The following ITGB3 variants were observed in gnomAD, a reference collection of about 807,000 sequenced individuals.
ITGB3 encodes the protein integrin beta-3.
ITGB3 carries 48 observed loss-of-function variants against 85.8 expected under a neutral mutation model. That is an observed-to-expected ratio of 0.56 (90% CI 0.44 to 0.71). The LOEUF is 0.71. Ranked by LOEUF, ITGB3 falls within the 30% of genes least tolerant of loss-of-function variation. The pLI is 0.00. For missense variants in ITGB3, 861 were observed against 1,019.1 expected (o/e 0.84, Z 2.11); for synonymous variants, 363 against 395.6 (o/e 0.92, Z 0.98).
intron 6 of ITGB3, among the ~76,000 whole-genome samples, chr17:47,289,256 G>A (rs2065115942): frequency 6.6e-6 from 1 of 152,158 alleles, no homozygotes. Context: ...CCACTGGCCT[G>A]TACCTCTTCG....
chr17:47,294,737 C>T (rs1035265980), intron 10 of ITGB3, among the ~76,000 whole-genome samples: 9 of 152,210 alleles, frequency 5.9e-5, no homozygotes, highest in East Asian at 1.9e-4. Flanking sequence ...TATGAGTGAA[C>T]AAGGGGTCAT....
Position 47,307,610 on chromosome 17 carries a change from A to C in ITGB3, c.2274A>C (p.Glu758Asp). The change falls in exon 14 of 15, where the codon GAA (glutamate) becomes GAC (aspartate). Residue 758 changes from glutamate to aspartate, a missense_variant. Physicochemically the swap from Glu to Asp is conservative, Grantham distance 45 (BLOSUM62 2). Transcript: ENST00000559488. The stretch of plus-strand genomic sequence containing the variant: ...GAAAAGAATTCGCTAAATTTGAGGA[A>C]GAACGCGCCAGAGCAAAATGGGACA... ...HDRKEFAKFE[E>D]ERARAKWDTA... 2 of 1,614,238 alleles carry C rather than the reference A, an allele frequency of 1.2e-6. No homozygotes were observed. Among genetic ancestry groups the C allele is most frequent in the Non-Finnish European group, 8.5e-7 (1 of 1,180,040 alleles).
At chr17:47,291,630 C>T (rs1453946812) in intron 9 of ITGB3, 1 of 283,990 alleles carries the variant, frequency 3.5e-6, no homozygotes, top group East Asian at 9.4e-5. Context: ...CTATCTGTCT[C>T]TCAGGCACTT....
intron 2 of ITGB3, among the ~76,000 whole-genome samples, chr17:47,282,773 G>A (rs1031768438): frequency 2.0e-5 from 3 of 152,170 alleles, no homozygotes; most frequent in African/African-American, 7.2e-5. Context: ...GAAACACACT[G>A]TACTGGGTAT....
intron 1 of ITGB3, among the ~76,000 whole-genome samples, chr17:47,258,065 C>T (rs527755554): frequency 2.6e-5 from 4 of 152,290 alleles, no homozygotes; most frequent in East Asian, 1.9e-4. Flanking sequence ...AGGAAGCATG[C>T]CCACAGGAAC....
chr17:47,287,067 C>A lies in ITGB3; in HGVS notation c.778-3C>A, dbSNP rs1217665887. The A allele has an allele frequency of 3.1e-6, 5 of 1,613,624 alleles. No homozygotes were observed. Among genetic ancestry groups the A allele is most frequent in the Non-Finnish European group, 4.2e-6 (5 of 1,179,902 alleles). On this transcript the variant is annotated splice_polypyrimidine_tract_variant and splice_region_variant and intron_variant, in intron 5 of 14. Transcript: ENST00000559488. ...GCCTTTGTTTTTTGTTTTCTTTTAACAGGAAAAGATTGGCTGGAGGAATGA... is the reference window on the plus strand; with the variant it reads ...GCCTTTGTTTTTTGTTTTCTTTTAAAAGGAAAAGATTGGCTGGAGGAATGA...
chr17:47,294,412 C>T (rs545279931), intron 10 of ITGB3, among the ~76,000 whole-genome samples: 7 of 152,308 alleles, frequency 4.6e-5, no homozygotes, highest in Non-Finnish European at 5.9e-5. Context: ...TGAGGCACTG[C>T]GGCAGGATCC....
chr17:47,312,622 C>G lies in ITGB3; in HGVS notation c.*2418C>G, dbSNP rs868210216. Among the ~76,000 whole-genome samples the G allele has an allele frequency of 6.6e-6, 1 of 152,226 alleles. No homozygotes were observed. Among genetic ancestry groups the G allele is most frequent in the Middle Eastern group, 3.4e-3 (1 of 294 alleles). ...GATGTTTTATATGAAGAAACTGTAT[C>G]AAAGGGGGAAGAAAATGTATTTAAC... is the stretch of plus-strand genomic sequence containing the variant. On this transcript the variant is annotated 3_prime_UTR_variant, in exon 15 of 15. Transcript: ENST00000559488.
intron 2 of ITGB3, among the ~76,000 whole-genome samples, chr17:47,277,177 G>T (rs16941801): frequency 6.6e-6 from 1 of 152,028 alleles, no homozygotes; most frequent in South Asian, 2.1e-4. Context: ...GCAAAGAGGC[G>T]GGCTTTATAC....
chr17:47,307,520 G>A lies in ITGB3; in HGVS notation c.2184G>A (p.Gly728=), dbSNP rs376459842. Residue 728 remains glycine, a synonymous_variant, in exon 14 of 15, where the codon GGG becomes GGA. Transcript: ENST00000559488. ...DILVVLLSVM[G]AILLIGLAAL... ...TGGTGGTCCTGCTCTCAGTGATGGG[G>A]GCCATTCTGCTCATTGGCCTTGCCG... 7.7e-5 allele frequency: 125 copies of A among 1,614,000 alleles called. No homozygotes were observed. The highest frequency in any genetic ancestry group is 4.9e-4 in the Middle Eastern group (3 of 6,074).
At position 47,283,363 on chromosome 17, in the gene ITGB3, C is replaced by G. The variant is rs2065090622; in HGVS notation, c.175C>G (p.Leu59Val). 2.5e-6 allele frequency: 4 copies of G among 1,614,108 alleles called. No individual in the cohort carries two copies. Among genetic ancestry groups the G allele is most frequent in the Non-Finnish European group, 3.4e-6 (4 of 1,180,042 alleles). Reference sequence around the variant, plus strand: ...GGCTCCTGTCTTACAGGCCCTGCCTCTGGGCTCACCTCGCTGTGACCTGAA... The same window carrying G: ...GGCTCCTGTCTTACAGGCCCTGCCTGTGGGCTCACCTCGCTGTGACCTGAA... ...CAWCSDEALP[L>V]GSPRCDLKEN... Residue 59 changes from leucine (L) to valine (V), a missense_variant, in exon 3 of 15, where the codon CTG (leucine) becomes GTG (valine). Transcript: ENST00000559488.
intron 14 of ITGB3, among the ~76,000 whole-genome samples, chr17:47,309,710 A>G (rs1194543459): frequency 1.3e-5 from 2 of 151,972 alleles, no homozygotes; most frequent in African/African-American, 2.4e-5. Context: ...CCTGGGCAAC[A>G]TGAAGAAACC....
intron 9 of ITGB3, 28 bp from the exon 10 acceptor site, chr17:47,292,111 T>C: frequency 1.2e-6 from 2 of 1,613,036 alleles, no homozygotes; most frequent in Non-Finnish European, 1.7e-6. Flanking sequence ...CCCAACTGTG[T>C]CTAAATACAA....
chr17:47,268,733 G>A (rs1272218378), intron 1 of ITGB3, among the ~76,000 whole-genome samples: 1 of 152,204 alleles, frequency 6.6e-6, no homozygotes, highest in Non-Finnish European at 1.5e-5. Flanking sequence ...CCAGGCACAT[G>A]GTGCAGGCTG....
chr17:47,265,774 A>G (rs1394390510), intron 1 of ITGB3, among the ~76,000 whole-genome samples: 1 of 152,210 alleles, frequency 6.6e-6, no homozygotes, highest in Non-Finnish European at 1.5e-5. Context: ...TAAATACCGT[A>G]CTTAACTGGC....
intron 1 of ITGB3, 57 bp downstream of exon 1, chr17:47,253,997 C>T (rs2064977974): frequency 6.1e-6 from 7 of 1,153,708 alleles, no homozygotes; most frequent in African/African-American, 1.6e-5. Context: ...GCGCCCCGGT[C>T]AAGTTGCGGA....
rs748298784 is a variant in ITGB3, at chr17:47,300,342, C to CGTGTGTGTGTGT, written c.1914-135_1914-134insTGTGTGTGTGTG. ...CCCAGGATTGTCTTACAGGCGCGCG[C>CGTGTGTGTGTGT]GCGCGTGTGTGTGTGTGTGTGTGTG... On this transcript the variant is annotated intron_variant, in intron 11 of 14. Coordinates refer to ENST00000559488, the MANE Select transcript of ITGB3 (RefSeq NM_000212.3). 74 of 696,870 alleles carry CGTGTGTGTGTGT rather than the reference C, an allele frequency of 1.1e-4. No individual in the cohort carries two copies. The African/African-American group carries it at 1.1e-3, about 10-fold the overall frequency. 43.2% of individuals were successfully genotyped at this position (696,870 alleles called of 1,614,324 possible). A position where few individuals can be genotyped will look rare whatever the true frequency, so the allele number is the denominator to read the frequency against.
intron 6 of ITGB3, among the ~76,000 whole-genome samples, chr17:47,288,851 A>G (rs972672717): frequency 2.0e-5 from 3 of 152,200 alleles, no homozygotes; most frequent in African/African-American, 7.2e-5. Flanking sequence ...ATAACACAAG[A>G]TGCATGATTA....
intron 10 of ITGB3, among the ~76,000 whole-genome samples, chr17:47,293,248 A>C (rs1012245951): frequency 1.3e-5 from 2 of 152,140 alleles, no homozygotes; most frequent in Admixed American, 6.5e-5. Flanking sequence ...CAGGGTACTG[A>C]GTTGTCCTTC....
Sources: gnomAD v4.1 joint callset for allele counts (sites outside exome capture counted in the v4.1 genomes callset) on GRCh38, gnomAD v4.1.1 for gene constraint, MANE v1.5 for transcripts, NCBI Gene and HGNC (gene_info 2026-07-23, HGNC 2026-07-21) for gene names.